OR9Q1: variants seen among roughly 807,000 people sequenced by gnomAD.
OR9Q1 encodes olfactory receptor family 9 subfamily Q member 1, also known as olfactory receptor 9Q1.
For synonymous variants in OR9Q1, 153 were observed against 148.6 expected, an observed-to-expected ratio of 1.03 and a Z score of -0.22; for missense variants, 374 against 378.8, an observed-to-expected ratio of 0.99 and a Z score of 0.11.
chr11:58,031,628 G>A lies in OR9Q1; in HGVS notation c.-93+7524G>A, dbSNP rs376751371. The A allele has an allele frequency of 2.6e-5, 42 of 1,608,612 alleles. 1 individual carries two copies. The highest frequency in any genetic ancestry group is 2.5e-4 in the South Asian group (23 of 90,886). On this transcript the variant is annotated intron_variant, in intron 1 of 2. Transcript: ENST00000335397. The stretch of plus-strand genomic sequence containing the variant: ...CATTGCTGTGTCCTATGGCAACATC[G>A]TCTGGACACTGCTGCACATCCGCTC...
chr11:58,079,015 C>T (rs1853565086), intron 2 of OR9Q1, among the ~76,000 whole-genome samples: 1 of 152,176 alleles, frequency 6.6e-6, no homozygotes, highest in Non-Finnish European at 1.5e-5. Context: ...TCCTTGTAGA[C>T]CATTTGACTG....
intron 1 of OR9Q1, among the ~76,000 whole-genome samples, chr11:58,029,993 C>T (rs1853014773): frequency 1.3e-5 from 2 of 152,074 alleles, no homozygotes; most frequent in Admixed American, 1.3e-4. Context: ...AGGTGCCCAC[C>T]ACCACGCTGG....
At chr11:58,100,150 G>A (rs1399731984) in intron 2 of OR9Q1, among the ~76,000 whole-genome samples, 1 of 152,150 alleles carries the variant, frequency 6.6e-6, no homozygotes, top group Non-Finnish European at 1.5e-5. Flanking sequence ...GAGAGTGAGA[G>A]CAGAAGCTGT....
chr11:58,129,792 T>C (rs1312661469), intron 2 of OR9Q1, among the ~76,000 whole-genome samples: 1 of 152,192 alleles, frequency 6.6e-6, no homozygotes, highest in African/African-American at 2.4e-5. Flanking sequence ...TATTTCTTTA[T>C]AACATGACTC....
In OR9Q1 at chr11:58,155,606, TC is replaced by T. The variant is rs1276510812; in HGVS notation, c.-14-23823del. ...ATAGTGTCTTTAACTTGGGTCTTCT[TC>T]CAGTAGTACGAACTGGGAATCAGGA... On this transcript the variant is annotated intron_variant, in intron 2 of 2. Transcript: ENST00000335397. Among the ~76,000 whole-genome samples, 3 of 152,300 alleles carry T rather than the reference TC, an allele frequency of 2.0e-5. No individual in the cohort carries two copies. The East Asian group carries it at 5.8e-4, about 29-fold the overall frequency.
At chr11:58,108,753 T>A in intron 2 of OR9Q1, 1 of 207,928 alleles carries the variant, frequency 4.8e-6, no homozygotes, top group South Asian at 8.2e-5. Flanking sequence ...TACCAACGAG[T>A]TTTCCAAATG....
At chr11:58,060,795 CTT>C (rs5792078) in intron 2 of OR9Q1, among the ~76,000 whole-genome samples, 52 of 148,856 alleles carry the variant, frequency 3.5e-4, no homozygotes, top group African/African-American at 7.6e-4. Context: ...TAAGAGAGCA[CTT>C]TTTTTTTTTT....
At chr11:58,169,788 A>G (rs1347154702) in intron 2 of OR9Q1, among the ~76,000 whole-genome samples, 1 of 152,070 alleles carries the variant, frequency 6.6e-6, no homozygotes, top group African/African-American at 2.4e-5. Context: ...TCAGGACGGG[A>G]CATTTAGTAT....
intron 2 of OR9Q1, among the ~76,000 whole-genome samples, chr11:58,084,760 C>T (rs1397684362): frequency 6.6e-6 from 1 of 151,776 alleles, no homozygotes; most frequent in African/African-American, 2.4e-5. Flanking sequence ...GTTAGAAACC[C>T]TCGACAGACT....
chr11:58,039,782 G>A (rs7126858), intron 1 of OR9Q1, among the ~76,000 whole-genome samples: 39,851 of 152,132 alleles, frequency 0.26, 5,758 homozygotes, highest in East Asian at 0.6. Flanking sequence ...AAGGATTATA[G>A]TTTAGCCTCT....
intron 1 of OR9Q1, among the ~76,000 whole-genome samples, chr11:58,038,826 AG>A (rs997335206): frequency 1.3e-4 from 20 of 151,866 alleles, no homozygotes; most frequent in Non-Finnish European, 2.2e-4. Flanking sequence ...TTCGTTTTTC[AG>A]GGTTCTTAGT....
chr11:58,115,565 C>G (rs901595086), intron 2 of OR9Q1, among the ~76,000 whole-genome samples: 1 of 152,080 alleles, frequency 6.6e-6, no homozygotes, highest in Non-Finnish European at 1.5e-5. Context: ...TCAGTCAAAA[C>G]AACAGAGCAG....
rs375305628 is a variant in OR9Q1, at chr11:58,180,378, C to T, written c.*1C>T. 61 of 1,556,246 alleles carry T rather than the reference C, an allele frequency of 3.9e-5. No homozygotes were observed. The highest frequency in any genetic ancestry group is 3.0e-4 in the Admixed American group (16 of 52,942). ...TCTCAATAGAGCCAAGTTGTCCTAA[C>T]CATCTCCAAACTTGGAAAATCCCGA... On this transcript the variant is annotated 3_prime_UTR_variant, in exon 3 of 3. Transcript: ENST00000335397.
chr11:58,116,008 A>G (rs974558680), intron 2 of OR9Q1, among the ~76,000 whole-genome samples: 2 of 152,118 alleles, frequency 1.3e-5, no homozygotes, highest in Non-Finnish European at 2.9e-5. Context: ...TGTTTAGCCT[A>G]TTTTAAAAAT....
At chr11:58,042,192 G>C (rs1011210595) in intron 1 of OR9Q1, among the ~76,000 whole-genome samples, 3 of 141,362 alleles carry the variant, frequency 2.1e-5, no homozygotes, top group Non-Finnish European at 4.7e-5. Context: ...TTTGTGGCCT[G>C]AGCCCTGGAA....
chr11:58,148,934 A>G (rs376631639), intron 2 of OR9Q1, among the ~76,000 whole-genome samples: 1 of 152,208 alleles, frequency 6.6e-6, no homozygotes, highest in African/African-American at 2.4e-5. Context: ...CTGTTGGGAA[A>G]GAAACTCTCA....
chr11:58,073,028 T>C, intron 2 of OR9Q1: 1 of 210,888 alleles, frequency 4.7e-6, no homozygotes, highest in Admixed American at 4.4e-5. Flanking sequence ...TTTTCTTACC[T>C]GCCTTTCCTG....
intron 2 of OR9Q1, among the ~76,000 whole-genome samples, chr11:58,127,919 G>A (rs1462495041): frequency 6.6e-6 from 1 of 152,156 alleles, no homozygotes; most frequent in African/African-American, 2.4e-5. Context: ...CTTGCCTGGA[G>A]CTATCCAGAT....
At chr11:58,080,648 T>C (rs1853578903) in intron 2 of OR9Q1, among the ~76,000 whole-genome samples, 1 of 152,084 alleles carries the variant, frequency 6.6e-6, no homozygotes. Context: ...CTCACCGGCA[T>C]TTGTTGTTTT....
Sources: gnomAD v4.1 joint callset for allele counts (sites outside exome capture counted in the v4.1 genomes callset) on GRCh38, gnomAD v4.1.1 for gene constraint, MANE v1.5 for transcripts, NCBI Gene and HGNC (gene_info 2026-07-23, HGNC 2026-07-21) for gene names.